ENTHD1: variants seen among roughly 807,000 people sequenced by gnomAD.
ENTHD1 encodes the protein ENTH domain-containing protein 1.
A neutral mutation model predicts 39.1 loss-of-function variants in ENTHD1; 23 were observed. The observed-to-expected ratio is 0.59, with a 90% CI of 0.42 to 0.83. ENTHD1 has a LOEUF of 0.83. ENTHD1 is among the 40% of genes least tolerant of loss of function. The probability of loss-of-function intolerance (pLI) is 0.00; values close to 1 mark genes in which losing one functional copy is unlikely to be tolerated. For missense variants in ENTHD1, 624 were observed against 705.4 expected (o/e 0.88, Z 1.31); for synonymous variants, 230 against 258.2 (o/e 0.89, Z 1.05).
At chr22:39,784,789 G>GA (rs1405216637) in intron 5 of ENTHD1, among the ~76,000 whole-genome samples, 2 of 152,070 alleles carry the variant, frequency 1.3e-5, no homozygotes, top group African/African-American at 4.8e-5. Flanking sequence ...GGGTGGAGTG[G>GA]GGATGCAGGG....
At chr22:39,874,590 G>A (rs1451550364) in intron 2 of ENTHD1, 1 of 152,278 alleles carries the variant, frequency 6.6e-6, no homozygotes, top group East Asian at 1.9e-4. Context: ...TTTGTAGCTT[G>A]TAGGATGGCA....
intron 2 of ENTHD1, among the ~76,000 whole-genome samples, chr22:39,883,189 T>C (rs569147462): frequency 1.4e-4 from 22 of 152,192 alleles, no homozygotes; most frequent in South Asian, 8.3e-4. Flanking sequence ...TATGCTTCTG[T>C]TGACATTTCA....
intron 4 of ENTHD1, among the ~76,000 whole-genome samples, chr22:39,822,375 C>G (rs566849399): frequency 6.6e-6 from 1 of 152,188 alleles, no homozygotes; most frequent in Non-Finnish European, 1.5e-5. Context: ...TACCATCCCA[C>G]CAGCCTGCAT....
chr22:39,839,316 G>A (rs1158890737), intron 3 of ENTHD1, among the ~76,000 whole-genome samples: 3 of 152,068 alleles, frequency 2.0e-5, no homozygotes, highest in South Asian at 2.1e-4. Context: ...TATGCTAAAC[G>A]TTCTTGAATT....
intron 4 of ENTHD1, 124 bp downstream of exon 4, chr22:39,835,716 T>A: frequency 3.5e-6 from 2 of 576,914 alleles, no homozygotes; most frequent in Non-Finnish European, 6.0e-6. Flanking sequence ...TACGGACACC[T>A]TGATTTTAGC....
At chr22:39,877,009 C>T (rs1404364502) in intron 2 of ENTHD1, among the ~76,000 whole-genome samples, 1 of 152,188 alleles carries the variant, frequency 6.6e-6, no homozygotes, top group Non-Finnish European at 1.5e-5. Flanking sequence ...CAGAGGCATA[C>T]AGACATTGTA....
intron 5 of ENTHD1, among the ~76,000 whole-genome samples, chr22:39,809,070 T>C (rs770132168): frequency 6.6e-6 from 1 of 152,218 alleles, no homozygotes; most frequent in African/African-American, 2.4e-5. Context: ...GCTCTGATGA[T>C]TGATATAAAG....
chr22:39,766,620 T>C (rs2065279696), intron 5 of ENTHD1, among the ~76,000 whole-genome samples: 1 of 152,186 alleles, frequency 6.6e-6, no homozygotes, highest in African/African-American at 2.4e-5. Context: ...GACGCAGAAA[T>C]TGTGTGATTC....
At chr22:39,777,115 A>G (rs1291165867) in intron 5 of ENTHD1, among the ~76,000 whole-genome samples, 1 of 152,192 alleles carries the variant, frequency 6.6e-6, no homozygotes, top group Non-Finnish European at 1.5e-5. Flanking sequence ...AGGAGCTTCT[A>G]CTTTAGTAAT....
chr22:39,810,159 T>C (rs2065674376), intron 5 of ENTHD1, among the ~76,000 whole-genome samples: 1 of 152,140 alleles, frequency 6.6e-6, no homozygotes, highest in Admixed American at 6.5e-5. Flanking sequence ...GTGTGTACAG[T>C]AAATCTTCCC....
chr22:39,806,350 A>T (rs973037881), intron 5 of ENTHD1, among the ~76,000 whole-genome samples: 1 of 152,224 alleles, frequency 6.6e-6, no homozygotes, highest in Non-Finnish European at 1.5e-5. Flanking sequence ...AAGTTCTACA[A>T]AATTTCAAAA....
chr22:39,840,815 C>CT (rs1481569008), intron 3 of ENTHD1, among the ~76,000 whole-genome samples: 9 of 151,556 alleles, frequency 5.9e-5, no homozygotes, highest in Non-Finnish European at 1.3e-4. Flanking sequence ...AGTGCAGTGG[C>CT]GTGATCTCAG....
intron 2 of ENTHD1, among the ~76,000 whole-genome samples, chr22:39,884,381 T>C (rs112360612): frequency 0.061 from 9,232 of 152,136 alleles, 383 homozygotes; most frequent in South Asian, 0.13. Context: ...GGTTTCACCA[T>C]GTTGGCCAGG....
intron 4 of ENTHD1, among the ~76,000 whole-genome samples, chr22:39,824,180 G>C (rs2065805893): frequency 6.7e-6 from 1 of 148,298 alleles, no homozygotes; most frequent in African/African-American, 2.5e-5. Context: ...TTCCTTTTAG[G>C]GATCATGCTT....
intron 3 of ENTHD1, among the ~76,000 whole-genome samples, chr22:39,841,952 C>T (rs1296477816): frequency 6.6e-6 from 1 of 150,696 alleles, no homozygotes; most frequent in Admixed American, 6.6e-5. Context: ...AATCTCTCAG[C>T]ATTTGCTTGT....
chr22:39,776,568 G>T (rs2065366845), intron 5 of ENTHD1, among the ~76,000 whole-genome samples: 1 of 152,148 alleles, frequency 6.6e-6, no homozygotes, highest in Admixed American at 6.5e-5. Flanking sequence ...ATTAAAGCTG[G>T]CTTGATTATT....
At chr22:39,853,018 A>G (rs1295884815) in intron 3 of ENTHD1, among the ~76,000 whole-genome samples, 1 of 152,218 alleles carries the variant, frequency 6.6e-6, no homozygotes, top group East Asian at 1.9e-4. Context: ...GCATGACTCC[A>G]CATCAACTCT....
intron 5 of ENTHD1, among the ~76,000 whole-genome samples, chr22:39,813,065 G>C (rs959303717): frequency 6.6e-6 from 1 of 152,184 alleles, no homozygotes; most frequent in African/African-American, 2.4e-5. Flanking sequence ...TTATAGGTGT[G>C]AGACACTGTG....
intron 2 of ENTHD1, among the ~76,000 whole-genome samples, chr22:39,862,312 G>A (rs971600774): frequency 6.6e-6 from 1 of 152,164 alleles, no homozygotes; most frequent in East Asian, 1.9e-4. Context: ...CACTTTGGGA[G>A]GCTGAAGTGG....
Sources: allele counts gnomAD v4.1 joint callset (sites outside exome capture counted in the v4.1 genomes callset), GRCh38; gene constraint gnomAD v4.1.1; transcripts MANE v1.5; gene names NCBI Gene and HGNC (gene_info 2026-07-23, HGNC 2026-07-21).